The following GFER variants were observed in gnomAD, a reference collection of about 807,000 sequenced individuals.
GFER encodes the protein FAD-linked sulfhydryl oxidase ALR.
GFER carries 24 observed loss-of-function variants against 18.2 expected under a neutral mutation model. The observed-to-expected ratio is 1.32, with a 90% CI of 0.96 to 1.86. The LOEUF (loss-of-function observed/expected upper bound fraction) is 1.86, where lower values mean the gene tolerates loss of function less well. Ranked by LOEUF, GFER falls within the 40% of genes most tolerant of loss-of-function variation. GFER has a pLI of 0.00. For synonymous variants in GFER, 138 were observed against 126.9 expected, an observed-to-expected ratio of 1.09 and a Z score of -0.59; for missense variants, 316 against 295.6, an observed-to-expected ratio of 1.07 and a Z score of -0.51.
Position 1,986,298 on chromosome 16 carries a change from C to G in GFER, c.*270C>G. 1 of 495,978 alleles carries G rather than the reference C, an allele frequency of 2.0e-6. No homozygotes were observed. The highest frequency in any genetic ancestry group is 3.7e-6 in the Non-Finnish European group (1 of 269,810). 30.7% of individuals were successfully genotyped at this position (495,978 alleles called of 1,614,324 possible). ...AGGGAAGGAGGAGCAGCCTGGGCTGCCCCTTGACATTCAGGATGTAGCTTC... is the reference window on the plus strand; with the variant it reads ...AGGGAAGGAGGAGCAGCCTGGGCTGGCCCTTGACATTCAGGATGTAGCTTC... On this transcript the variant is annotated 3_prime_UTR_variant, in exon 3 of 3. Coordinates refer to ENST00000248114, the MANE Select transcript of GFER (RefSeq NM_005262.3).
rs750605745 is a variant in GFER at position 1,984,988 on chromosome 16, G to A, written c.455+45G>A. ...AGCAGAGCTTTGCACTGGAGCCTGGGCCTGGGGCTCCTGGCTGACGTTATA... is the reference window on the plus strand; with the variant it reads ...AGCAGAGCTTTGCACTGGAGCCTGGACCTGGGGCTCCTGGCTGACGTTATA... On this transcript the variant is annotated intron_variant, in intron 2 of 2. Transcript: ENST00000248114. 2.3e-4 allele frequency: 324 copies of A among 1,439,608 alleles called. 1 individual carries two copies. The highest frequency in any genetic ancestry group is 5.9e-6 in the Non-Finnish European group (6 of 1,022,880). 89.2% of individuals were successfully genotyped at this position (1,439,608 alleles called of 1,614,324 possible).
chr16:1,985,252 T>C (rs34973300), intron 2 of GFER, among the ~76,000 whole-genome samples: 9,994 of 152,352 alleles, frequency 0.066, 443 homozygotes, highest in Non-Finnish European at 0.089. Flanking sequence ...CCACTTTGCC[T>C]GACTTCTAGA....
In GFER at chr16:1,987,549, G is replaced by A. The variant is rs113173128; in HGVS notation, c.*1521G>A. ...TGTCCCTTCCTCGCCCAGACACAGC[G>A]CGCTTCTCTCTGGCCTTTCCCGAGG... On this transcript the variant is annotated 3_prime_UTR_variant, in exon 3 of 3. Transcript: ENST00000248114. 1.2e-4 allele frequency: 18 copies of A among 152,242 alleles called. No individual in the cohort carries two copies. Among genetic ancestry groups the A allele is most frequent in the African/African-American group, 4.1e-4 (17 of 41,398 alleles). The allele number at this position is 152,242 out of a possible 1,614,324, so 9.4% of individuals were successfully genotyped here.
In GFER at chr16:1,985,896, C is replaced by T. The variant is rs1197103324; in HGVS notation, c.486C>T (p.Thr162=). 4.3e-6 allele frequency: 7 copies of T among 1,612,758 alleles called. No homozygotes were observed. Among genetic ancestry groups the T allele is most frequent in the East Asian group, 2.2e-5 (1 of 44,894 alleles). ...GCAGGAACCACCCAGACACCCGCACCCGGGCATGCTTCACACAGTGGCTGT... is the reference window on the plus strand; with the variant it reads ...GCAGGAACCACCCAGACACCCGCACTCGGGCATGCTTCACACAGTGGCTGT... The part of the protein sequence containing the change: ...RLCRNHPDTR[T]RACFTQWLCH... Residue 162 remains threonine, a synonymous_variant, in exon 3 of 3, where the codon ACC becomes ACT. Coordinates refer to ENST00000248114, the MANE Select transcript of GFER (RefSeq NM_005262.3).
chr16:1,984,454 C>T lies in GFER; in HGVS notation c.236C>T (p.Thr79Met), dbSNP rs773323504. Residue 79 changes from threonine to methionine, a missense_variant, in exon 1 of 3, where the codon ACG (threonine) becomes ATG (methionine). By Grantham distance (81) the Thr-to-Met change is moderately conservative. Coordinates refer to ENST00000248114, the MANE Select transcript of GFER (RefSeq NM_005262.3). ...RPCRACVDFKTWMRTQQKRDT... is the reference protein window; with the variant it reads ...RPCRACVDFKMWMRTQQKRDT... ...TGCCGGGCCTGCGTCGACTTCAAGACGTGGATGCGGACGCAGCAGAAGGTG... is the reference window on the plus strand; with the variant it reads ...TGCCGGGCCTGCGTCGACTTCAAGATGTGGATGCGGACGCAGCAGAAGGTG... The T allele has an allele frequency of 1.3e-6, 2 of 1,557,482 alleles. No homozygotes were observed. The highest frequency in any genetic ancestry group is 1.4e-5 in the African/African-American group (1 of 73,854).
At chr16:1,985,061 G>A (rs1567335257) in intron 2 of GFER, 118 bp downstream of exon 2, 2 of 805,146 alleles carry the variant, frequency 2.5e-6, no homozygotes, top group East Asian at 2.6e-5. Flanking sequence ...AGTTTGCTGA[G>A]GAGCAGGGAC....
chr16:1,984,729 G>A lies in GFER; in HGVS notation c.259-18G>A. On this transcript the variant is annotated intron_variant, in intron 1 of 2. Transcript: ENST00000248114. ...TGTTCGGAGAATGAACTCACTCTCG[G>A]TCGGCCTGCTTCCGCAGCGGGACAC... 1 of 1,602,116 alleles carries A rather than the reference G, an allele frequency of 6.2e-7. No individual in the cohort carries two copies. Among genetic ancestry groups the A allele is most frequent in the Non-Finnish European group, 8.5e-7 (1 of 1,177,824 alleles).
chr16:1,985,358 C>T (rs2083559182), intron 2 of GFER, among the ~76,000 whole-genome samples: 1 of 152,244 alleles, frequency 6.6e-6, no homozygotes, highest in Non-Finnish European at 1.5e-5. Flanking sequence ...AGCACTGGCC[C>T]TTGCAGGTGT....
At position 1,987,335 on chromosome 16, in the gene GFER, C is replaced by T. The variant is rs548154709; in HGVS notation, c.*1307C>T. On this transcript the variant is annotated 3_prime_UTR_variant, in exon 3 of 3. Coordinates refer to ENST00000248114, the MANE Select transcript of GFER (RefSeq NM_005262.3). The stretch of plus-strand genomic sequence containing the variant: ...TCATAAAACTCCAGGGACCTCTATC[C>T]TCCAGGAGTCTCAGCCTTTCCCTGG... 6.6e-6 allele frequency: 1 copy of T among 152,444 alleles called. No homozygotes were observed. Among genetic ancestry groups the T allele is most frequent in the Non-Finnish European group, 1.5e-5 (1 of 68,226 alleles). The allele number at this position is 152,444 out of a possible 1,614,324, so 9.4% of individuals were successfully genotyped here.
chr16:1,984,241 G>A lies in GFER; in HGVS notation c.23G>A (p.Gly8Asp). Residue 8 changes from glycine (G) to aspartate (D), a missense_variant, in exon 1 of 3, where the codon GGC becomes GAC. By Grantham distance (94) the Gly-to-Asp change is moderately conservative (BLOSUM62 -1). Coordinates refer to ENST00000248114, the MANE Select transcript of GFER (RefSeq NM_005262.3). The stretch of plus-strand genomic sequence containing the variant: ...AACATGGCGGCGCCCGGCGAGCGGG[G>A]CCGCTTCCACGGCGGGAACCTCTTC... MAAPGER[G>D]RFHGGNLFFL... 1 of 1,477,222 alleles carries A rather than the reference G, an allele frequency of 6.8e-7. No individual in the cohort carries two copies. Among genetic ancestry groups the A allele is most frequent in the Non-Finnish European group, 8.9e-7 (1 of 1,121,116 alleles). 91.5% of individuals were successfully genotyped at this position (1,477,222 alleles called of 1,614,324 possible).
In GFER at chr16:1,986,819, C is replaced by A. The variant is rs1186752630; in HGVS notation, c.*791C>A. On this transcript the variant is annotated 3_prime_UTR_variant, in exon 3 of 3. Coordinates refer to ENST00000248114, the MANE Select transcript of GFER (RefSeq NM_005262.3). The stretch of plus-strand genomic sequence containing the variant: ...CCACAGGGTGAGAGTGAGCCAGGAA[C>A]AGCAAGGACGTTGATTGGTTGGGGC... The A allele has an allele frequency of 6.5e-6, 1 of 153,190 alleles. No individual in the cohort carries two copies. Among genetic ancestry groups the A allele is most frequent in the Non-Finnish European group, 1.5e-5 (1 of 68,874 alleles). 9.5% of individuals were successfully genotyped at this position (153,190 alleles called of 1,614,324 possible).
chr16:1,984,417 C>G lies in GFER; in HGVS notation c.199C>G (p.Arg67Gly). The G allele has an allele frequency of 6.5e-7, 1 of 1,542,636 alleles. No individual in the cohort carries two copies. The highest frequency in any genetic ancestry group is 8.7e-7 in the Non-Finnish European group (1 of 1,148,018). The change falls in exon 1 of 3, where the codon CGG (arginine) becomes GGG (glycine). Residue 67 changes from arginine to glycine, a missense_variant. Physicochemically the swap from Arg to Gly is moderately radical, Grantham distance 125 (BLOSUM62 -2). Transcript: ENST00000248114. ...SDSPVAEDAS[R>G]RRPCRACVDF... ...TTCTCCTGTCGCCGAGGACGCCTCC[C>G]GGAGGCGGCCGTGCCGGGCCTGCGT... is the stretch of plus-strand genomic sequence containing the variant.
Position 1,984,265 on chromosome 16 carries a change from TCTTC to T in GFER, c.50_53del (p.Phe17CysfsTer9). ...GGCCGCTTCCACGGCGGGAACCTCTTCTTCCTGCCGGGGGGCGCGCGCTCCGAGA... is the reference window on the plus strand; with the variant it reads ...GGCCGCTTCCACGGCGGGAACCTCTTCTGCCGGGGGGCGCGCGCTCCGAGA... On this transcript the variant is annotated frameshift_variant, in exon 1 of 3. Transcript: ENST00000248114. LOFTEE classifies it high-confidence loss of function. 1 of 1,479,738 alleles carries T rather than the reference TCTTC, an allele frequency of 6.8e-7. No individual in the cohort carries two copies. 91.7% of individuals were successfully genotyped at this position (1,479,738 alleles called of 1,614,324 possible).
At position 1,984,284 on chromosome 16, in the gene GFER, G is replaced by A. The variant is rs1358231659; in HGVS notation, c.66G>A (p.Ala22=). The A allele has an allele frequency of 6.8e-7, 1 of 1,477,876 alleles. No homozygotes were observed. Among genetic ancestry groups the A allele is most frequent in the Non-Finnish European group, 8.9e-7 (1 of 1,121,566 alleles). 91.5% of individuals were successfully genotyped at this position (1,477,876 alleles called of 1,614,324 possible). A position where few individuals can be genotyped will look rare whatever the true frequency, so the allele number is the denominator to read the frequency against. ...GGNLFFLPGG[A]RSEMMDDLAT... ...ACCTCTTCTTCCTGCCGGGGGGCGC[G>A]CGCTCCGAGATGATGGACGACCTGG... The change falls in exon 1 of 3, where the codon GCG becomes GCA. Residue 22 remains alanine, a synonymous_variant. Coordinates refer to ENST00000248114, the MANE Select transcript of GFER (RefSeq NM_005262.3).
chr16:1,985,414 G>C (rs2072684), intron 2 of GFER, among the ~76,000 whole-genome samples: 73,122 of 152,066 alleles, frequency 0.48, 18,512 homozygotes, highest in African/African-American at 0.64. Context: ...TTGCTATAAG[G>C]CTGGTCAGTT....
At chr16:1,984,692 T>C in intron 1 of GFER, 55 bp from the exon 2 acceptor site, 1 of 1,522,734 alleles carries the variant, frequency 6.6e-7, no homozygotes, top group Non-Finnish European at 9.0e-7. Context: ...AGTGGGGAGC[T>C]TTGGGCGCCT....
chr16:1,985,945 C>G lies in GFER; in HGVS notation c.535C>G (p.Arg179Gly), dbSNP rs201112184. The G allele has an allele frequency of 1.2e-6, 2 of 1,613,086 alleles. No homozygotes were observed. Among genetic ancestry groups the G allele is most frequent in the Non-Finnish European group, 1.7e-6 (2 of 1,179,984 alleles). Residue 179 changes from arginine to glycine, a missense_variant, in exon 3 of 3, where the codon CGC (arginine) becomes GGC (glycine). Physicochemically the swap from Arg to Gly is moderately radical, Grantham distance 125. Coordinates refer to ENST00000248114, the MANE Select transcript of GFER (RefSeq NM_005262.3). ...GTGCCACCTGCACAATGAAGTGAAC[C>G]GCAAGCTGGGCAAGCCTGACTTCGA... is the stretch of plus-strand genomic sequence containing the variant. Reference protein sequence around the residue: ...WLCHLHNEVNRKLGKPDFDCS... With the variant: ...WLCHLHNEVNGKLGKPDFDCS...
rs1567334807 is a variant in GFER at position 1,984,328 on chromosome 16, G to T, written c.110G>T (p.Arg37Leu). 1.3e-6 allele frequency: 2 copies of T among 1,484,874 alleles called. No homozygotes were observed. The allele number at this position is 1,484,874 out of a possible 1,614,324, so 92.0% of individuals were successfully genotyped here. ...MDDLATDARG[R>L]GAGRRDAAAS... ...GACCTGGCGACCGACGCGCGGGGCC[G>T]GGGCGCGGGGCGGAGAGACGCGGCC... The change falls in exon 1 of 3, where the codon CGG (arginine) becomes CTG (leucine). Residue 37 changes from arginine (R) to leucine (L), a missense_variant. Arg to Leu is a moderately radical substitution (Grantham distance 102, BLOSUM62 -2). Coordinates refer to ENST00000248114, the MANE Select transcript of GFER (RefSeq NM_005262.3).
rs139941314 is a variant in GFER at position 1,985,953 on chromosome 16, G to T, written c.543G>T (p.Leu181=). The change falls in exon 3 of 3, where the codon CTG becomes CTT. Residue 181 remains leucine (L), a synonymous_variant. Coordinates refer to ENST00000248114, the MANE Select transcript of GFER (RefSeq NM_005262.3). The part of the protein sequence containing the change: ...CHLHNEVNRK[L]GKPDFDCSKV... Reference sequence around the variant, plus strand: ...TGCACAATGAAGTGAACCGCAAGCTGGGCAAGCCTGACTTCGACTGCTCAA... The same window carrying T: ...TGCACAATGAAGTGAACCGCAAGCTTGGCAAGCCTGACTTCGACTGCTCAA... 1 of 1,613,006 alleles carries T rather than the reference G, an allele frequency of 6.2e-7. No individual in the cohort carries two copies. Among genetic ancestry groups the T allele is most frequent in the Admixed American group, 1.7e-5 (1 of 60,014 alleles).
Sources: allele counts gnomAD v4.1 joint callset (sites outside exome capture counted in the v4.1 genomes callset), GRCh38; gene constraint gnomAD v4.1.1; transcripts MANE v1.5; gene names NCBI Gene and HGNC (gene_info 2026-07-23, HGNC 2026-07-21).